PITRM1: variants seen among roughly 807,000 people sequenced by gnomAD.
PITRM1 encodes pitrilysin metallopeptidase 1, also known as presequence protease, mitochondrial.
In PITRM1, 100 loss-of-function variants were observed where a neutral mutation model predicts 129.9. The ratio of observed to expected loss-of-function variants is 0.77; its 90% CI spans 0.65 to 0.91. The LOEUF is 0.91. Ranked by LOEUF, PITRM1 falls within the 40% of genes least tolerant of loss-of-function variation. The pLI is 0.00. For synonymous variants in PITRM1, 591 were observed against 508.8 expected (o/e 1.16, Z -2.17); for missense variants, 1,471 against 1,318.3 (o/e 1.12, Z -1.79).
intron 14 of PITRM1, among the ~76,000 whole-genome samples, chr10:3,153,996 C>T (rs945032786): frequency 2.0e-5 from 3 of 152,224 alleles, no homozygotes; most frequent in African/African-American, 7.2e-5. Flanking sequence ...CATCATAGTA[C>T]TGGGCCTTTC....
chr10:3,160,389 GCTGT>G (rs1219765977), intron 7 of PITRM1, 59 bp from the exon 8 acceptor site: 1 of 1,406,294 alleles, frequency 7.1e-7, no homozygotes, highest in Non-Finnish European at 1.0e-6. Context: ...GAGATCAAGT[GCTGT>G]CTGTTTCACT....
At chr10:3,138,599 G>A in intron 25 of PITRM1, 1 of 603,092 alleles carries the variant, frequency 1.7e-6, no homozygotes, top group South Asian at 2.0e-5. Context: ...AGCAAAAGCG[G>A]CTCCAGAGAG....
chr10:3,162,369 C>T (rs7912487), intron 7 of PITRM1, among the ~76,000 whole-genome samples: 105,727 of 152,020 alleles, frequency 0.7, 36,847 homozygotes, highest in East Asian at 0.74. Context: ...AGTTACAGAA[C>T]TAGAAAACTT....
intron 3 of PITRM1, among the ~76,000 whole-genome samples, chr10:3,166,687 A>G (rs935813317): frequency 5.9e-5 from 9 of 152,236 alleles, no homozygotes; most frequent in Non-Finnish European, 1.3e-4. Flanking sequence ...TCCAACCCGC[A>G]GCCTGCAGCC....
intron 14 of PITRM1, among the ~76,000 whole-genome samples, chr10:3,153,308 C>T (rs773598852): frequency 6.6e-6 from 1 of 152,188 alleles, no homozygotes; most frequent in Non-Finnish European, 1.5e-5. Context: ...CAACCTGTTG[C>T]CTACTCATGG....
rs1420622234 is a variant in PITRM1, at chr10:3,142,441, T to C, written c.2645+948A>G. On this transcript the variant is annotated intron_variant, in intron 23 of 26. Transcript: ENST00000224949. ...TCCTTGGTTTAGTCCCTCATGGGGG[T>C]AGCTGCCTGGGACAAGGACACAGGA... Among the ~76,000 whole-genome samples, 4 of 152,144 alleles carry C rather than the reference T, an allele frequency of 2.6e-5. No homozygotes were observed. The East Asian group carries it at 7.7e-4, about 29-fold the overall frequency.
At chr10:3,171,239 C>T (rs1270591867) in intron 1 of PITRM1, among the ~76,000 whole-genome samples, 2 of 111,306 alleles carry the variant, frequency 1.8e-5, no homozygotes, top group Non-Finnish European at 3.6e-5. Context: ...GGTCACATAA[C>T]GTGAAACAAA....
chr10:3,140,332 G>A (rs955959632), intron 24 of PITRM1, among the ~76,000 whole-genome samples: 1 of 152,154 alleles, frequency 6.6e-6, no homozygotes, highest in African/African-American at 2.4e-5. Context: ...TAAAACTTAG[G>A]AAGTGTTTAT....
At position 3,138,073 on chromosome 10, in the gene PITRM1, C is replaced by T. The variant is rs1839730163; in HGVS notation, c.3072G>A (p.Glu1024=). The change falls in exon 27 of 27, where the codon GAG becomes GAA. Residue 1024 remains glutamate (E), a synonymous_variant. Transcript: ENST00000224949. The part of the protein sequence containing the change: ...STHGLAILGP[E]NPKIAKDPSW... ...ATGGGTCCTTGGCAATTTTCGGGTTCTCGGGTCCGAGGATGGCCAGGCCGT... is the reference window on the plus strand; with the variant it reads ...ATGGGTCCTTGGCAATTTTCGGGTTTTCGGGTCCGAGGATGGCCAGGCCGT... 1.2e-6 allele frequency: 2 copies of T among 1,610,448 alleles called. No individual in the cohort carries two copies. The highest frequency in any genetic ancestry group is 4.5e-5 in the East Asian group (2 of 44,786).
At chr10:3,165,954 C>G (rs1211844512) in intron 4 of PITRM1, among the ~76,000 whole-genome samples, 1 of 152,208 alleles carries the variant, frequency 6.6e-6, no homozygotes, top group African/African-American at 2.4e-5. Flanking sequence ...AGTAGTAACT[C>G]TGGCATTGTA....
intron 2 of PITRM1, chr10:3,168,080 TCAC>T (rs1313686359): frequency 9.2e-5 from 14 of 152,246 alleles, no homozygotes; most frequent in African/African-American, 1.2e-4. Flanking sequence ...GTCCCTGTGA[TCAC>T]CACACCACTC....
chr10:3,167,028 G>A lies in PITRM1; in HGVS notation c.174C>T (p.Pro58=), dbSNP rs746573270. The part of the protein sequence containing the change: ...GFTVNQVTSV[P]ELFLTAVKLT... ...GCTTCACTGCAGTCAGGAACAGCTC[G>A]GGAACAGATGTCACCTGAGTTAACA... is the stretch of plus-strand genomic sequence containing the variant. Residue 58 remains proline, a synonymous_variant, in exon 3 of 27, where the codon CCC becomes CCT. Transcript: ENST00000224949. 1.6e-5 allele frequency: 25 copies of A among 1,603,554 alleles called. No homozygotes were observed. Among genetic ancestry groups the A allele is most frequent in the African/African-American group, 9.4e-5 (7 of 74,778 alleles).
chr10:3,145,555 C>A, intron 21 of PITRM1, 41 bp downstream of exon 21: 4 of 1,533,842 alleles, frequency 2.6e-6, no homozygotes, highest in Non-Finnish European at 2.6e-6. Flanking sequence ...GCTCTGGCAC[C>A]CACCAGGCGC....
chr10:3,143,168 T>C (rs560618535), intron 23 of PITRM1: 5 of 565,146 alleles, frequency 8.8e-6, no homozygotes, highest in African/African-American at 1.9e-5. Context: ...TCCTCAATAA[T>C]AGAAATTGTT....
At chr10:3,167,464 A>C (rs985456188) in intron 2 of PITRM1, among the ~76,000 whole-genome samples, 1 of 152,320 alleles carries the variant, frequency 6.6e-6, no homozygotes, top group Admixed American at 6.5e-5. Flanking sequence ...ACCGAGGCTC[A>C]GGGTGATGAA....
Position 3,159,836 on chromosome 10 carries a change from G to A in PITRM1, c.1007+12C>T. 3.3e-6 allele frequency: 5 copies of A among 1,508,064 alleles called. No homozygotes were observed. In the South Asian group the frequency reaches 3.5e-5, roughly 11 times the overall value. 93.4% of individuals were successfully genotyped at this position (1,508,064 alleles called of 1,614,324 possible). The stretch of plus-strand genomic sequence containing the variant: ...TTTTTGTCTTGTATGAGCTTTGACA[G>A]CATATACTTACTCCGGTAAGAGGAA... On this transcript the variant is annotated intron_variant, in intron 9 of 26. Coordinates refer to ENST00000224949, the MANE Select transcript of PITRM1 (RefSeq NM_014889.4).
chr10:3,147,541 G>T (rs186642179), intron 19 of PITRM1, 31 bp downstream of exon 19: 2 of 1,606,800 alleles, frequency 1.2e-6, no homozygotes, highest in Non-Finnish European at 1.7e-6. Context: ...GGCTAAACCG[G>T]AGTAATAGAG....
At chr10:3,140,264 C>T (rs1840048589) in intron 24 of PITRM1, among the ~76,000 whole-genome samples, 1 of 152,212 alleles carries the variant, frequency 6.6e-6, no homozygotes, top group South Asian at 2.1e-4. Context: ...GACCAACAGG[C>T]AGGTACCGTA....
Position 3,140,741 on chromosome 10 carries a change from T to G in PITRM1, c.2717A>C (p.Tyr906Ser). 2 of 1,598,342 alleles carry G rather than the reference T, an allele frequency of 1.3e-6. No homozygotes were observed. The highest frequency in any genetic ancestry group is 2.7e-5 in the African/African-American group (2 of 74,810). Residue 906 changes from tyrosine (Y) to serine (S), a missense_variant, in exon 24 of 27, where the codon TAT (tyrosine) becomes TCT (serine). Tyr to Ser is a moderately radical substitution (Grantham distance 144). Coordinates refer to ENST00000224949, the MANE Select transcript of PITRM1 (RefSeq NM_014889.4). ...HTEIREKGGA[Y>S]GGGAKLSHNG... ...GTGGCTGAGTTTTGCGCCTCCACCA[T>G]AAGCACCGCCTTTTTCTCGAATTTC...
Sources: gnomAD v4.1 joint callset for allele counts (sites outside exome capture counted in the v4.1 genomes callset) on GRCh38, gnomAD v4.1.1 for gene constraint, MANE v1.5 for transcripts, NCBI Gene and HGNC (gene_info 2026-07-23, HGNC 2026-07-21) for gene names.